SCN9A: variants seen among roughly 807,000 people sequenced by gnomAD.
SCN9A encodes the protein sodium channel protein type 9 subunit alpha.
A neutral mutation model predicts 187.0 loss-of-function variants in SCN9A; 131 were observed. The observed-to-expected ratio is 0.70, with a 90% CI of 0.61 to 0.81. The LOEUF is 0.81. Among genes scored for constraint, SCN9A ranks in the 30% least tolerant of loss-of-function variants. The pLI is 0.00. For missense variants in SCN9A, 2,252 were observed against 2,396.6 expected, an observed-to-expected ratio of 0.94 and a Z score of 1.26; for synonymous variants, 809 against 808.6, an observed-to-expected ratio of 1.00 and a Z score of -0.01.
intron 16 of SCN9A, among the ~76,000 whole-genome samples, chr2:166,273,790 A>G (rs79738764): frequency 0.016 from 2,388 of 152,288 alleles, 113 homozygotes; most frequent in Admixed American, 0.097. Context: ...CATGGCCCAA[A>G]TCATCTACCT....
chr2:166,242,869 A>G (rs959169901), intron 18 of SCN9A, among the ~76,000 whole-genome samples: 36 of 152,108 alleles, frequency 2.4e-4, no homozygotes, highest in African/African-American at 7.0e-4. Flanking sequence ...AGTTAGTTTT[A>G]GCTTACAATG....
At position 166,271,827 on chromosome 2, in the gene SCN9A, C is replaced by T. The variant is rs193299734; in HGVS notation, c.3351+572G>A. Among the ~76,000 whole-genome samples, 18 of 151,746 alleles carry T rather than the reference C, an allele frequency of 1.2e-4. 1 individual carries two copies. In the East Asian group the frequency reaches 3.5e-3, roughly 29 times the overall value. ...AAGCTATGATAGCACCACTGTACTC[C>T]AGACTGGGCAACAGAGTGAGACCTG... On this transcript the variant is annotated intron_variant, in intron 17 of 26. Transcript: ENST00000642356.
At chr2:166,263,139 C>T (rs995521357) in intron 17 of SCN9A, among the ~76,000 whole-genome samples, 6 of 151,934 alleles carry the variant, frequency 3.9e-5, no homozygotes, top group South Asian at 2.1e-4. Context: ...AAGGCCTGAC[C>T]CTCTTGCTTT....
chr2:166,252,430 T>C (rs760749081), intron 17 of SCN9A, among the ~76,000 whole-genome samples: 2 of 151,944 alleles, frequency 1.3e-5, no homozygotes, highest in Non-Finnish European at 2.9e-5. Context: ...TTTAAATATA[T>C]GTAGCAGGAT....
chr2:166,323,560 A>C (rs1371705200), intron 1 of SCN9A, among the ~76,000 whole-genome samples: 3 of 152,104 alleles, frequency 2.0e-5, no homozygotes, highest in African/African-American at 7.2e-5. Context: ...CTAATAACTA[A>C]AAGGAAAAAA....
chr2:166,246,618 C>T (rs1051028003), intron 18 of SCN9A, among the ~76,000 whole-genome samples: 1 of 151,906 alleles, frequency 6.6e-6, no homozygotes. Flanking sequence ...TTGTCTTAAA[C>T]TTAAAAACAA....
At chr2:166,241,658 C>T (rs1446943455) in intron 19 of SCN9A, among the ~76,000 whole-genome samples, 1 of 132,930 alleles carries the variant, frequency 7.5e-6, no homozygotes, top group Non-Finnish European at 1.6e-5. Flanking sequence ...CTGAAAAGCA[C>T]CATTTACGTT....
At chr2:166,286,693 T>C in intron 10 of SCN9A, 70 bp from the exon 11 acceptor site, 2 of 1,248,014 alleles carry the variant, frequency 1.6e-6, no homozygotes, top group East Asian at 2.6e-5. Flanking sequence ...GGACAGGACA[T>C]CTTTCACCTA....
chr2:166,199,148 C>T lies in SCN9A; in HGVS notation c.5491G>A (p.Val1831Ile), dbSNP rs200196731. ...VQLIAMDLPM[V>I]SGDRIHCLDI... ...AGACAATGGATCCGGTCACCACTAACCATGGGCAGATCCATGGCAATGAGC... is the reference window on the plus strand; with the variant it reads ...AGACAATGGATCCGGTCACCACTAATCATGGGCAGATCCATGGCAATGAGC... Residue 1831 changes from valine to isoleucine, a missense_variant, in exon 27 of 27, where the codon GTT becomes ATT. By Grantham distance (29) the Val-to-Ile change is conservative. Around this residue, in one of 7 missense-constraint regions of SCN9A, gnomAD observed 345 missense variants for 344.6 expected, o/e 1.00. Coordinates refer to ENST00000642356, the MANE Select transcript of SCN9A (RefSeq NM_001365536.1). The T allele has an allele frequency of 1.2e-6, 2 of 1,614,186 alleles. No homozygotes were observed. The highest frequency in any genetic ancestry group is 1.7e-6 in the Non-Finnish European group (2 of 1,180,042).
At chr2:166,348,609 C>T (rs140761356) in intron 1 of SCN9A, among the ~76,000 whole-genome samples, 1 of 152,182 alleles carries the variant, frequency 6.6e-6, no homozygotes, top group Non-Finnish European at 1.5e-5. Context: ...TTGATCACAT[C>T]TCTCTTCTGT....
At chr2:166,371,943 T>TA (rs371864190) in intron 1 of SCN9A, among the ~76,000 whole-genome samples, 2 of 152,170 alleles carry the variant, frequency 1.3e-5, no homozygotes, top group South Asian at 2.1e-4. Flanking sequence ...ATTTGCTACA[T>TA]AAAAAAATCA....
chr2:166,200,320 G>A (rs1420647748), intron 26 of SCN9A, among the ~76,000 whole-genome samples: 1 of 151,830 alleles, frequency 6.6e-6, no homozygotes, highest in African/African-American at 2.4e-5. Flanking sequence ...TATACTGAAT[G>A]CAATTACTTA....
In SCN9A at chr2:166,238,098, A is replaced by G; in HGVS notation, c.3797T>C (p.Val1266Ala). ...NAWCWLDFLI[V>A]DVSLVTLVAN... is the part of the protein sequence containing the mutation. ...AATGTACTCAAAAGTACCTACATCA[A>G]CAATTAGGAAATCCAGCCAACACCA... Residue 1266 changes from valine to alanine, a missense_variant, in exon 20 of 27, where the codon GTT becomes GCT. Coordinates refer to ENST00000642356, the MANE Select transcript of SCN9A (RefSeq NM_001365536.1). 1 of 1,609,330 alleles carries G rather than the reference A, an allele frequency of 6.2e-7. No homozygotes were observed. The highest frequency in any genetic ancestry group is 8.5e-7 in the Non-Finnish European group (1 of 1,177,290).
At chr2:166,265,246 C>G (rs867000824) in intron 17 of SCN9A, among the ~76,000 whole-genome samples, 1 of 151,944 alleles carries the variant, frequency 6.6e-6, no homozygotes, top group East Asian at 1.9e-4. Context: ...CCGATAACCA[C>G]TATTCTACTA....
intron 7 of SCN9A, among the ~76,000 whole-genome samples, chr2:166,297,541 T>G (rs1559023061): frequency 2.6e-5 from 4 of 152,038 alleles, no homozygotes. Flanking sequence ...CTTCCATGTA[T>G]ATTAAATCTA....
rs941202274 is a variant in SCN9A, at chr2:166,197,276, T to A, written c.*1396A>T. ...TGGTTATTTCTTTTCAAATTACTAT[T>A]AATAGGTGTTTTCAAAAAACTAGAT... On this transcript the variant is annotated 3_prime_UTR_variant, in exon 27 of 27. Transcript: ENST00000642356. 2.6e-5 allele frequency: 4 copies of A among 152,200 alleles called. No homozygotes were observed. The highest frequency in any genetic ancestry group is 9.6e-5 in the African/African-American group (4 of 41,564). The allele number at this position is 152,200 out of a possible 1,614,324, so 9.4% of individuals were successfully genotyped here.
Position 166,199,079 on chromosome 2 carries a change from C to A in SCN9A, c.5560G>T (p.Gly1854Trp). The A allele has an allele frequency of 6.2e-7, 1 of 1,614,104 alleles. No homozygotes were observed. The highest frequency in any genetic ancestry group is 1.1e-5 in the South Asian group (1 of 91,078). The change falls in exon 27 of 27, where the codon GGG becomes TGG. Residue 1854 changes from glycine to tryptophan, a missense_variant. By Grantham distance (184) the Gly-to-Trp change is radical. This residue lies in a region of SCN9A where 345 missense variants were observed against 344.6 expected (regional missense o/e 1.00). Coordinates refer to ENST00000642356, the MANE Select transcript of SCN9A (RefSeq NM_001365536.1). The stretch of plus-strand genomic sequence containing the variant: ...TGTGAACGAAGAGAATCCATCTCCC[C>A]ACTCTCACCCAAAACACGCTTTGTA... ...AFTKRVLGES[G>W]EMDSLRSQME...
intron 16 of SCN9A, among the ~76,000 whole-genome samples, chr2:166,274,240 C>A (rs182572393): frequency 6.6e-6 from 1 of 152,042 alleles, no homozygotes; most frequent in African/African-American, 2.4e-5. Context: ...AATCATAAGT[C>A]TCTAATATTT....
At chr2:166,267,434 T>C (rs1696789913) in intron 17 of SCN9A, among the ~76,000 whole-genome samples, 1 of 151,944 alleles carries the variant, frequency 6.6e-6, no homozygotes, top group Non-Finnish European at 1.5e-5. Context: ...ATCTTTTTGA[T>C]AGGCTGTTGG....
Sources: allele counts gnomAD v4.1 joint callset (sites outside exome capture counted in the v4.1 genomes callset), GRCh38; gene constraint gnomAD v4.1.1; regional missense constraint gnomAD v4.1.1; transcripts MANE v1.5; gene names NCBI Gene and HGNC (gene_info 2026-07-23, HGNC 2026-07-21).